Variants in UIMC1 observed in about 807,000 individuals in gnomAD.
UIMC1 encodes the protein BRCA1-A complex subunit RAP80.
Under a neutral mutation model 84.9 loss-of-function variants are expected in UIMC1, and 42 were observed. The observed-to-expected ratio is 0.49, with a 90% CI of 0.39 to 0.64. The LOEUF is 0.64. Among genes scored for constraint, UIMC1 ranks in the 30% least tolerant of loss-of-function variants. The probability of loss-of-function intolerance (pLI) is 0.00; values close to 1 mark genes in which losing one functional copy is unlikely to be tolerated. For missense variants in UIMC1, 825 were observed against 847.6 expected, an observed-to-expected ratio of 0.97 and a Z score of 0.33; for synonymous variants, 281 against 293.0, an observed-to-expected ratio of 0.96 and a Z score of 0.42.
At chr5:176,923,900 GACACACACACACAC>G (rs35583665) in intron 10 of UIMC1, among the ~76,000 whole-genome samples, 1 of 145,584 alleles carries the variant, frequency 6.9e-6, no homozygotes, top group African/African-American at 2.5e-5. Context: ...CACACACACA[GACACACACACACAC>G]ACACACACAC....
intron 3 of UIMC1, among the ~76,000 whole-genome samples, chr5:176,974,113 G>A (rs569532906): frequency 6.6e-6 from 1 of 152,072 alleles, no homozygotes; most frequent in Non-Finnish European, 1.5e-5. Flanking sequence ...GGAATGCAAA[G>A]GACCCAAATT....
chr5:176,959,591 C>T (rs1407920781), intron 6 of UIMC1, among the ~76,000 whole-genome samples: 1 of 151,636 alleles, frequency 6.6e-6, no homozygotes, highest in African/African-American at 2.4e-5. Context: ...TGGCAGGCGC[C>T]TGTAGTCCCA....
intron 12 of UIMC1, 177 bp from the exon 13 acceptor site, chr5:176,907,354 G>A: frequency 3.4e-6 from 2 of 591,250 alleles, no homozygotes; most frequent in South Asian, 4.1e-5. Context: ...AAACTATAAT[G>A]AAGAGAATAC....
intron 1 of UIMC1, among the ~76,000 whole-genome samples, chr5:176,997,500 C>G (rs943392266): frequency 5.3e-5 from 8 of 151,986 alleles, no homozygotes; most frequent in African/African-American, 1.9e-4. Context: ...CTGGCTCACA[C>G]AGTGAAACCC....
intron 1 of UIMC1, among the ~76,000 whole-genome samples, chr5:177,005,353 G>A (rs959010530): frequency 6.6e-6 from 1 of 152,116 alleles, no homozygotes; most frequent in Admixed American, 6.6e-5. Flanking sequence ...GGGAGTATAG[G>A]AGTGAGCCAC....
In UIMC1 at chr5:176,950,174, A is replaced by G. The variant is rs182101373; in HGVS notation, c.1443+1300T>C. Among the ~76,000 whole-genome samples the G allele has an allele frequency of 3.8e-3, 511 of 136,048 alleles. 4 individuals are homozygous for G. The highest frequency in any genetic ancestry group is 0.011 in the African/African-American group (395 of 34,802). The allele number at this position is 136,048 out of a possible 152,430, so 89.3% of individuals were successfully genotyped here. ...GAGTGCAGTGGCGCGATCTCAGCTC[A>G]CTGCAACCTCCGACTCCCAGGTTCA... On this transcript the variant is annotated intron_variant, in intron 9 of 14. Coordinates refer to ENST00000511320, the MANE Select transcript of UIMC1 (RefSeq NM_001199298.2).
intron 1 of UIMC1, among the ~76,000 whole-genome samples, chr5:176,990,993 A>ATTTTATTTTTTATTTTTAT (rs1772753234): frequency 6.6e-6 from 1 of 151,570 alleles, no homozygotes; most frequent in Admixed American, 6.6e-5. Context: ...TTTATTTTTT[A>ATTTTATTTTTTATTTTTAT]TTTTATTTTT....
intron 10 of UIMC1, among the ~76,000 whole-genome samples, chr5:176,924,123 G>A (rs777224524): frequency 6.6e-6 from 1 of 151,704 alleles, no homozygotes; most frequent in Non-Finnish European, 1.5e-5. Flanking sequence ...GTCAAGACCA[G>A]CCTGGCCAAC....
intron 2 of UIMC1, among the ~76,000 whole-genome samples, chr5:176,982,199 T>C (rs779165776): frequency 7.2e-5 from 11 of 152,226 alleles, no homozygotes; most frequent in Non-Finnish European, 1.6e-4. Context: ...GATTTACAAT[T>C]GATTTAGATG....
chr5:176,939,330 T>C (rs923600994), intron 10 of UIMC1, among the ~76,000 whole-genome samples: 8 of 146,710 alleles, frequency 5.5e-5, no homozygotes, highest in African/African-American at 1.3e-4. Context: ...TATGAAGTAA[T>C]AGGTGATAGA....
intron 10 of UIMC1, among the ~76,000 whole-genome samples, chr5:176,939,273 G>GA (rs921789032): frequency 5.9e-5 from 8 of 134,796 alleles, no homozygotes; most frequent in Non-Finnish European, 9.7e-5. Flanking sequence ...AAAAAAAAAA[G>GA]AAAAAAAAAG....
At chr5:176,983,317 C>A (rs1227860443) in intron 1 of UIMC1, among the ~76,000 whole-genome samples, 1 of 151,934 alleles carries the variant, frequency 6.6e-6, no homozygotes, top group Non-Finnish European at 1.5e-5. Context: ...TCGCTGCAAC[C>A]TCCCTGCCTC....
chr5:177,004,823 T>C (rs1022335644), intron 1 of UIMC1, among the ~76,000 whole-genome samples: 5 of 152,186 alleles, frequency 3.3e-5, no homozygotes, highest in Non-Finnish European at 7.3e-5. Context: ...CTTGTCAAAA[T>C]TGCTTTGAAA....
chr5:176,924,318 CA>C (rs564554471), intron 10 of UIMC1, among the ~76,000 whole-genome samples: 88 of 139,922 alleles, frequency 6.3e-4, no homozygotes, highest in East Asian at 1.6e-3. Context: ...GAATTCGTCT[CA>C]AAAAAAAAAA....
chr5:176,948,402 TACC>T (rs1471066870), intron 9 of UIMC1, among the ~76,000 whole-genome samples: 1 of 152,152 alleles, frequency 6.6e-6, no homozygotes, highest in African/African-American at 2.4e-5. Context: ...GACAAATCTC[TACC>T]ACGTTTTATA....
rs1194560151 is a variant in UIMC1 at position 176,968,830 on chromosome 5, T to C, written c.925A>G (p.Met309Val). 6.2e-7 allele frequency: 1 copy of C among 1,614,190 alleles called. No individual in the cohort carries two copies. The highest frequency in any genetic ancestry group is 8.5e-7 in the Non-Finnish European group (1 of 1,180,034). The change falls in exon 6 of 15, where the codon ATG becomes GTG. Residue 309 changes from methionine (M) to valine (V), a missense_variant. Physicochemically the swap from Met to Val is conservative, Grantham distance 21. Coordinates refer to ENST00000511320, the MANE Select transcript of UIMC1 (RefSeq NM_001199298.2). ...TTATTAAGGAGCTGCCTCTGAGCCA[T>C]TTTCAGGCTCTTTTGATAAACCTCC... ...QLEVYQKSLK[M>V]AQRQLLNKKG...
At chr5:176,997,683 T>G (rs796089286) in intron 1 of UIMC1, among the ~76,000 whole-genome samples, 3 of 18,478 alleles carry the variant, frequency 1.6e-4, no homozygotes, top group African/African-American at 1.1e-3. Context: ...AGACTCTGTC[T>G]CAAAAAAAAA....
chr5:176,937,319 C>A (rs548580049), intron 10 of UIMC1, among the ~76,000 whole-genome samples: 1 of 152,100 alleles, frequency 6.6e-6, no homozygotes, highest in Non-Finnish European at 1.5e-5. Flanking sequence ...CATGGTGAAA[C>A]CCCATCTCTG....
intron 10 of UIMC1, chr5:176,919,065 G>A (rs997902027): frequency 3.9e-5 from 8 of 203,388 alleles, no homozygotes; most frequent in East Asian, 3.6e-4. Context: ...TATCCATTCC[G>A]ATTCCTGTAT....
Sources: allele counts gnomAD v4.1 joint callset (sites outside exome capture counted in the v4.1 genomes callset), GRCh38; gene constraint gnomAD v4.1.1; transcripts MANE v1.5; gene names NCBI Gene and HGNC (gene_info 2026-07-23, HGNC 2026-07-21).